KCNH1: variants seen among roughly 807,000 people sequenced by gnomAD.
The protein encoded by KCNH1 is potassium voltage-gated channel subfamily H member 1, also known as voltage-gated delayed rectifier potassium channel KCNH1.
A neutral mutation model predicts 69.2 loss-of-function variants in KCNH1; 27 were observed. That is an observed-to-expected ratio of 0.39 (90% CI 0.29 to 0.54). The LOEUF is 0.54. KCNH1 is among the 20% of genes least tolerant of loss of function. The pLI is 0.68. For missense variants in KCNH1, 798 were observed against 1,261.6 expected, an observed-to-expected ratio of 0.63 and a Z score of 5.57; for synonymous variants, 456 against 487.7, an observed-to-expected ratio of 0.93 and a Z score of 0.86.
intron 5 of KCNH1, among the ~76,000 whole-genome samples, chr1:211,047,567 G>A (rs1258334925): frequency 6.6e-6 from 1 of 152,146 alleles, no homozygotes; most frequent in East Asian, 1.9e-4. Flanking sequence ...TCAACCTTGA[G>A]CAAGTCAAGA....
At position 211,064,317 on chromosome 1, in the gene KCNH1, T is replaced by C. The variant is rs145726646; in HGVS notation, c.558+18463A>G. 5.2e-3 allele frequency among the ~76,000 whole-genome samples: 785 copies of C among 152,244 alleles called. 5 individuals are homozygous for C. The highest frequency in any genetic ancestry group is 7.7e-3 in the Non-Finnish European group (523 of 68,006). On this transcript the variant is annotated intron_variant, in intron 5 of 10. Transcript: ENST00000271751. Reference sequence around the variant, plus strand: ...GGCTCACGCCTGCAATCCCAACACTTTGGGAGGCCAAGGCGGGTGGATCAC... The same window carrying C: ...GGCTCACGCCTGCAATCCCAACACTCTGGGAGGCCAAGGCGGGTGGATCAC...
chr1:211,127,501 G>A (rs963208491), intron 1 of KCNH1, among the ~76,000 whole-genome samples: 6 of 151,076 alleles, frequency 4.0e-5, no homozygotes, highest in African/African-American at 1.2e-4. Flanking sequence ...CAAGTCTTTC[G>A]CATCATTTAC....
chr1:210,889,253 C>G (rs2102519797), intron 7 of KCNH1, among the ~76,000 whole-genome samples: 1 of 152,292 alleles, frequency 6.6e-6, no homozygotes, highest in East Asian at 1.9e-4. Context: ...ATTCAACATA[C>G]ACAAATAAAT....
intron 4 of KCNH1, among the ~76,000 whole-genome samples, chr1:211,087,348 A>G (rs529669181): frequency 6.6e-6 from 1 of 152,310 alleles, no homozygotes; most frequent in East Asian, 1.9e-4. Context: ...TAATAGAGAA[A>G]ACAAGAGGAT....
intron 7 of KCNH1, among the ~76,000 whole-genome samples, chr1:210,881,046 C>T (rs1686484484): frequency 2.0e-5 from 3 of 149,410 alleles, no homozygotes; most frequent in Admixed American, 1.3e-4. Flanking sequence ...GAAACAGAGT[C>T]TCACTCTGTC....
intron 7 of KCNH1, among the ~76,000 whole-genome samples, chr1:210,836,006 T>C (rs1267902431): frequency 6.6e-6 from 1 of 150,520 alleles, no homozygotes; most frequent in African/African-American, 2.4e-5. Context: ...GGTGCACCCC[T>C]GTAGTCCCAG....
chr1:210,902,387 T>G (rs1372214624), intron 7 of KCNH1, among the ~76,000 whole-genome samples: 1 of 152,232 alleles, frequency 6.6e-6, no homozygotes, highest in Non-Finnish European at 1.5e-5. Context: ...CCATGGTCTC[T>G]ATTTGCATGA....
chr1:211,116,182 AT>A (rs1220572335), intron 1 of KCNH1, among the ~76,000 whole-genome samples: 7 of 152,174 alleles, frequency 4.6e-5, no homozygotes, highest in East Asian at 1.9e-4. Flanking sequence ...AATAGAAAAA[AT>A]ATCCTAAAAT....
At chr1:210,818,735 C>A (rs1684868489) in intron 7 of KCNH1, among the ~76,000 whole-genome samples, 1 of 152,130 alleles carries the variant, frequency 6.6e-6, no homozygotes. Context: ...CCACTCTATC[C>A]CTAAATGTAG....
rs1034128488 is a variant in KCNH1 at position 210,683,797 on chromosome 1, C to A, written c.2454G>T (p.Gly818=). The change falls in exon 11 of 11, where the codon GGG becomes GGT. Residue 818 remains glycine, a synonymous_variant. Transcript: ENST00000271751. The surrounding 1 kb of genome is among the most constrained non-coding windows in gnomAD (Gnocchi z 5.7). ...VPDHAKLQAP[G]SECLGPKGGG... is the part of the protein sequence containing the mutation. Reference sequence around the variant, plus strand: ...CCCCCTTGGGGCCCAGGCACTCGGACCCTGGCGCCTGTAGCTTTGCGTGGT... The same window carrying A: ...CCCCCTTGGGGCCCAGGCACTCGGAACCTGGCGCCTGTAGCTTTGCGTGGT... 1.2e-6 allele frequency: 2 copies of A among 1,613,700 alleles called. No homozygotes were observed. Among genetic ancestry groups the A allele is most frequent in the Non-Finnish European group, 1.7e-6 (2 of 1,180,046 alleles).
Position 210,717,053 on chromosome 1 carries a change from G to T in KCNH1, c.2113-32915C>A, listed in dbSNP as rs1218989123. On this transcript the variant is annotated intron_variant, in intron 10 of 10. Coordinates refer to ENST00000271751, the MANE Select transcript of KCNH1 (RefSeq NM_172362.3). ...TATATCTTCTATTTCACCACATACT[G>T]ATTAATTTCTAAAATCACTTAGCTT... is the stretch of plus-strand genomic sequence containing the variant. Among the ~76,000 whole-genome samples the T allele has an allele frequency of 2.0e-5, 3 of 152,118 alleles. No individual in the cohort carries two copies. The South Asian group carries it at 6.2e-4, about 32-fold the overall frequency.
chr1:210,975,820 A>C (rs1031362928), intron 6 of KCNH1, among the ~76,000 whole-genome samples: 2 of 152,260 alleles, frequency 1.3e-5, no homozygotes, highest in African/African-American at 4.8e-5. Flanking sequence ...GGCAACCTAC[A>C]GAATGGGAGA....
chr1:211,117,899 A>G (rs1367310491), intron 1 of KCNH1, among the ~76,000 whole-genome samples: 1 of 152,190 alleles, frequency 6.6e-6, no homozygotes, highest in East Asian at 1.9e-4. Context: ...ATGCATCCAT[A>G]TGGAGTAATC....
chr1:210,694,810 G>T (rs1183929438), intron 10 of KCNH1, among the ~76,000 whole-genome samples: 1 of 152,194 alleles, frequency 6.6e-6, no homozygotes, highest in Admixed American at 6.5e-5. Flanking sequence ...GCTCTGATCA[G>T]CCATTCAGAC....
chr1:210,796,549 G>A (rs927657986), intron 9 of KCNH1, among the ~76,000 whole-genome samples: 9 of 152,066 alleles, frequency 5.9e-5, no homozygotes, highest in African/African-American at 7.2e-5. Flanking sequence ...TTACCAACAC[G>A]TTCCCCCGCA....
At chr1:210,858,178 C>G (rs1047863155) in intron 7 of KCNH1, 6 of 152,176 alleles carry the variant, frequency 3.9e-5, no homozygotes, top group African/African-American at 1.2e-4. Context: ...TAGCCATACT[C>G]TTAGATCAAC....
intron 5 of KCNH1, among the ~76,000 whole-genome samples, chr1:211,021,012 C>A (rs1430961808): frequency 6.6e-6 from 1 of 152,142 alleles, no homozygotes; most frequent in Non-Finnish European, 1.5e-5. Context: ...CAGCAACCTG[C>A]ATGAGATTGG....
At chr1:210,721,408 T>C (rs1241822179) in intron 10 of KCNH1, among the ~76,000 whole-genome samples, 2 of 152,144 alleles carry the variant, frequency 1.3e-5, no homozygotes, top group Non-Finnish European at 2.9e-5. Flanking sequence ...AAGCAGTTGG[T>C]GGTTTGGGTT....
chr1:211,067,917 G>A (rs376551665), intron 5 of KCNH1, among the ~76,000 whole-genome samples: 2 of 152,170 alleles, frequency 1.3e-5, no homozygotes, highest in East Asian at 1.9e-4. Context: ...CTGTAAAACC[G>A]CTCCAGGTTT....
Sources: gnomAD v4.1 joint callset for allele counts (sites outside exome capture counted in the v4.1 genomes callset) on GRCh38, gnomAD v4.1.1 for gene constraint, Gnocchi (gnomAD v3.1) non-coding constraint, MANE v1.5 for transcripts, NCBI Gene and HGNC (gene_info 2026-07-23, HGNC 2026-07-21) for gene names.